Variants in P2RY14 observed in about 807,000 individuals in gnomAD.
The protein encoded by P2RY14 is purinergic receptor P2Y14.
P2RY14 carries 2 observed loss-of-function variants against 0.9 expected under a neutral mutation model. That is an observed-to-expected ratio of 2.16 (90% CI 0.88 to 6.79). The LOEUF (loss-of-function observed/expected upper bound fraction) is 6.79. P2RY14 is among the 30% of genes most tolerant of loss of function. The probability of loss-of-function intolerance (pLI) is 0.05; values close to 1 mark genes in which losing one functional copy is unlikely to be tolerated. For missense variants in P2RY14, 378 were observed against 400.1 expected, an observed-to-expected ratio of 0.94 and a Z score of 0.47; for synonymous variants, 158 against 147.2, an observed-to-expected ratio of 1.07 and a Z score of -0.53.
chr3:151,235,346 A>G (rs1732519699), intron 1 of P2RY14, among the ~76,000 whole-genome samples: 1 of 152,200 alleles, frequency 6.6e-6, no homozygotes, highest in Non-Finnish European at 1.5e-5. Flanking sequence ...TAAGAGTAGC[A>G]GGAATGTTCA....
chr3:151,262,969 G>A (rs1356635578), intron 1 of P2RY14, among the ~76,000 whole-genome samples: 1 of 152,162 alleles, frequency 6.6e-6, no homozygotes. Flanking sequence ...GGAAGCCGTA[G>A]TTCTCTAGGG....
chr3:151,243,712 C>G (rs948892828), intron 1 of P2RY14, among the ~76,000 whole-genome samples: 4 of 151,802 alleles, frequency 2.6e-5, no homozygotes, highest in Non-Finnish European at 4.4e-5. Context: ...CATCAACTAA[C>G]GAGCAAAATA....
chr3:151,212,124 A>G lies in P2RY14; in HGVS notation c.*1176T>C, dbSNP rs1727268389. On this transcript the variant is annotated 3_prime_UTR_variant, in exon 3 of 3. Transcript: ENST00000309170. ...TTATTAAGAAAAAATAGACAGTATT[A>G]AAACATTTCTTTATTAGTATATAGA... The G allele has an allele frequency of 2.0e-5, 3 of 152,240 alleles. No individual in the cohort carries two copies. Among genetic ancestry groups the G allele is most frequent in the South Asian group, 4.1e-4 (2 of 4,834 alleles). 9.4% of individuals were successfully genotyped at this position (152,240 alleles called of 1,614,324 possible).
chr3:151,269,423 ACACACACAC>A (rs1390955571), intron 1 of P2RY14: 4 of 215,544 alleles, frequency 1.9e-5, no homozygotes, highest in African/African-American at 9.5e-5. Context: ...ACACACACAC[ACACACACAC>A]ACACACACAA....
At chr3:151,251,123 T>C (rs969693320) in intron 1 of P2RY14, among the ~76,000 whole-genome samples, 1 of 152,198 alleles carries the variant, frequency 6.6e-6, no homozygotes, top group Non-Finnish European at 1.5e-5. Flanking sequence ...GATTCCATCC[T>C]GAGCCCCATG....
chr3:151,255,547 C>CTT (rs1173939855), intron 1 of P2RY14, among the ~76,000 whole-genome samples: 4 of 152,156 alleles, frequency 2.6e-5, no homozygotes, highest in African/African-American at 9.6e-5. Flanking sequence ...TGCTATGGGC[C>CTT]TTTTCAGACA....
intron 1 of P2RY14, among the ~76,000 whole-genome samples, chr3:151,231,007 T>TA (rs1559909540): frequency 6.6e-6 from 1 of 152,126 alleles, no homozygotes; most frequent in Admixed American, 6.5e-5. Context: ...TAGGAAATGC[T>TA]AAAAAAGGAC....
At chr3:151,230,165 G>A (rs898798301) in intron 1 of P2RY14, among the ~76,000 whole-genome samples, 1 of 151,944 alleles carries the variant, frequency 6.6e-6, no homozygotes, top group Non-Finnish European at 1.5e-5. Context: ...TAGTAGAGAC[G>A]GGATTTCACC....
chr3:151,270,196 C>CTGTGTGTGTGTGTGTGT (rs71621430), intron 1 of P2RY14: 1 of 129,646 alleles, frequency 7.7e-6, no homozygotes, highest in African/African-American at 3.3e-5. Context: ...AGCAAGCTGT[C>CTGTGTGTGTGTGTGTGT]GTGTGTGTGT....
At chr3:151,265,944 G>A (rs935150357) in intron 1 of P2RY14, among the ~76,000 whole-genome samples, 12 of 152,270 alleles carry the variant, frequency 7.9e-5, no homozygotes, top group South Asian at 2.1e-4. Flanking sequence ...GGGCATCAGC[G>A]CTGGGCAAGT....
intron 1 of P2RY14, among the ~76,000 whole-genome samples, chr3:151,228,402 G>A (rs901030029): frequency 4.6e-5 from 7 of 152,234 alleles, no homozygotes; most frequent in East Asian, 1.9e-4. Flanking sequence ...AACATTGCGC[G>A]TACAGGGAGT....
In P2RY14 at chr3:151,222,314, T is replaced by C. The variant is rs538615960; in HGVS notation, c.-132-2672A>G. 1.6e-4 allele frequency among the ~76,000 whole-genome samples: 25 copies of C among 152,248 alleles called. No individual in the cohort carries two copies. The South Asian group carries it at 4.6e-3, about 28-fold the overall frequency. On this transcript the variant is annotated intron_variant, in intron 1 of 2. Coordinates refer to ENST00000309170, the MANE Select transcript of P2RY14 (RefSeq NM_014879.4). Reference sequence around the variant, plus strand: ...AAATGAATTGAGACTTGGGGGACTGTTGGAAGACATGATTGGTTTTGAAAT... The same window carrying C: ...AAATGAATTGAGACTTGGGGGACTGCTGGAAGACATGATTGGTTTTGAAAT...
rs2149221064 is a variant in P2RY14, at chr3:151,213,554, G to A, written c.763C>T (p.Pro255Ser). The A allele has an allele frequency of 7.4e-6, 12 of 1,614,088 alleles. No homozygotes were observed. The highest frequency in any genetic ancestry group is 1.0e-5 in the Non-Finnish European group (12 of 1,180,004). ...CFVPYHIARIPYTKSQTEAHY... is the reference protein window; with the variant it reads ...CFVPYHIARISYTKSQTEAHY... ...GCTTCGGTCTGACTCTTTGTGTAGG[G>A]GATTCTGGCAATATGGTAAGGTACA... is the stretch of plus-strand genomic sequence containing the variant. The change falls in exon 3 of 3, where the codon CCC becomes TCC. Residue 255 changes from proline to serine, a missense_variant. Pro to Ser is a moderately conservative substitution (Grantham distance 74, BLOSUM62 -1). Coordinates refer to ENST00000309170, the MANE Select transcript of P2RY14 (RefSeq NM_014879.4).
At chr3:151,230,879 C>T (rs1731537586) in intron 1 of P2RY14, among the ~76,000 whole-genome samples, 1 of 152,136 alleles carries the variant, frequency 6.6e-6, no homozygotes, top group Non-Finnish European at 1.5e-5. Context: ...TCTCACTAGC[C>T]ACTGAAAGGA....
chr3:151,213,568 T>C lies in P2RY14; in HGVS notation c.749A>G (p.His250Arg), dbSNP rs776511270. ...FVFFVCFVPY[H>R]IARIPYTKSQ... ...CTTTGTGTAGGGGATTCTGGCAATA[T>C]GGTAAGGTACAAAACAGACAAAAAA... Residue 250 changes from histidine to arginine, a missense_variant, in exon 3 of 3, where the codon CAT (histidine) becomes CGT (arginine). Coordinates refer to ENST00000309170, the MANE Select transcript of P2RY14 (RefSeq NM_014879.4). The C allele has an allele frequency of 1.6e-5, 26 of 1,614,178 alleles. No individual in the cohort carries two copies. Among genetic ancestry groups the C allele is most frequent in the Non-Finnish European group, 2.2e-5 (26 of 1,180,026 alleles).
chr3:151,247,962 C>CTT (rs61102632), intron 1 of P2RY14, among the ~76,000 whole-genome samples: 12,015 of 75,050 alleles, frequency 0.16, 1,313 homozygotes, highest in Non-Finnish European at 0.19. Flanking sequence ...TCTTCTTCTT[C>CTT]TTTTTTTTTT....
intron 1 of P2RY14, among the ~76,000 whole-genome samples, chr3:151,260,748 G>C (rs539010854): frequency 5.5e-4 from 83 of 152,224 alleles, no homozygotes; most frequent in African/African-American, 1.9e-3. Context: ...TAGGTATTTG[G>C]ACCTAGTCTT....
chr3:151,248,803 T>G (rs1329642194), intron 1 of P2RY14: 2 of 152,200 alleles, frequency 1.3e-5, no homozygotes, highest in Non-Finnish European at 2.9e-5. Flanking sequence ...AAAGCCATTT[T>G]ACATTGTAAT....
intron 1 of P2RY14, chr3:151,241,926 CGAGCCGAA>C (rs1734192827): frequency 6.5e-6 from 1 of 153,024 alleles, no homozygotes; most frequent in African/African-American, 2.4e-5. Context: ...AGTGGGTGCG[CGAGCCGAA>C]GCAGGGCGAG....
Sources: gnomAD v4.1 joint callset for allele counts (sites outside exome capture counted in the v4.1 genomes callset) on GRCh38, gnomAD v4.1.1 for gene constraint, MANE v1.5 for transcripts, NCBI Gene and HGNC (gene_info 2026-07-23, HGNC 2026-07-21) for gene names.